The following ABRA variants were observed in gnomAD, a reference collection of about 807,000 sequenced individuals.
The protein encoded by ABRA is actin binding Rho activating protein.
Under a neutral mutation model 33.4 loss-of-function variants are expected in ABRA, and 25 were observed. The observed-to-expected ratio is 0.75, with a 90% CI of 0.55 to 1.04. The LOEUF (loss-of-function observed/expected upper bound fraction) is 1.04, where lower values mean the gene tolerates loss of function less well. Ranked by LOEUF, ABRA falls within the 50% of genes least tolerant of loss-of-function variation. ABRA has a pLI of 0.00. For missense variants in ABRA, 501 were observed against 491.7 expected (o/e 1.02, Z -0.18); for synonymous variants, 193 against 176.8 (o/e 1.09, Z -0.73).
intron 1 of ABRA, among the ~76,000 whole-genome samples, chr8:106,761,871 G>A (rs1174152464): frequency 6.6e-6 from 1 of 152,138 alleles, no homozygotes; most frequent in Non-Finnish European, 1.5e-5. Context: ...TCATGTAGGT[G>A]TTTTCAGGAA....
Position 106,769,729 on chromosome 8 carries a change from G to A in ABRA, c.462C>T (p.His154=), listed in dbSNP as rs546797793. The A allele has an allele frequency of 2.6e-5, 42 of 1,614,032 alleles. No individual in the cohort carries two copies. The highest frequency in any genetic ancestry group is 3.3e-4 in the Middle Eastern group (2 of 6,062). The change falls in exon 1 of 2, where the codon CAC becomes CAT. Residue 154 remains histidine, a synonymous_variant. Transcript: ENST00000311955. ...ENDIDRILHS[H]GSPTRRRKCA... is the part of the protein sequence containing the mutation. ...ATTTTCTCCTCCGCGTTGGGGAGCC[G>A]TGGCTGTGGAGGATTCTGTCAATGT...
chr8:106,767,129 C>T (rs1183263321), intron 1 of ABRA, among the ~76,000 whole-genome samples: 1 of 152,188 alleles, frequency 6.6e-6, no homozygotes, highest in African/African-American at 2.4e-5. Context: ...CTTTCTCCAT[C>T]TATCAAAGAG....
chr8:106,760,926 T>C lies in ABRA; in HGVS notation c.*111A>G. On this transcript the variant is annotated 3_prime_UTR_variant, in exon 2 of 2. Transcript: ENST00000311955. Reference sequence around the variant, plus strand: ...TGCCAGAAAGTCGTTTATGTAAAAATTGTTTAATATTTACTAACTTATTAC... The same window carrying C: ...TGCCAGAAAGTCGTTTATGTAAAAACTGTTTAATATTTACTAACTTATTAC... 3 of 998,156 alleles carry C rather than the reference T, an allele frequency of 3.0e-6. No individual in the cohort carries two copies. The highest frequency in any genetic ancestry group is 4.5e-6 in the Non-Finnish European group (3 of 666,582). 61.8% of individuals were successfully genotyped at this position (998,156 alleles called of 1,614,324 possible).
In ABRA at chr8:106,761,078, G is replaced by GC; in HGVS notation, c.1104dup (p.Gln369AlafsTer5). On this transcript the variant is annotated frameshift_variant, in exon 2 of 2. Transcript: ENST00000311955. LOFTEE classifies it high-confidence loss of function. ...ATCACAACATGGTCATCTCGGCCTT[G>GC]CCATAGCATCTCTCCTTCAAAGTCT... 1 of 1,614,172 alleles carries GC rather than the reference G, an allele frequency of 6.2e-7. No individual in the cohort carries two copies. Among genetic ancestry groups the GC allele is most frequent in the Non-Finnish European group, 8.5e-7 (1 of 1,180,032 alleles).
rs1836132731 is a variant in ABRA, at chr8:106,761,214, G to A, written c.969C>T (p.His323=). Reference sequence around the variant, plus strand: ...TAACCTGGATCTTGCCATCTCGTCTGTGGCGAGCCATTGTGCAGATAATGA... The same window carrying A: ...TAACCTGGATCTTGCCATCTCGTCTATGGCGAGCCATTGTGCAGATAATGA... The part of the protein sequence containing the change: ...MCFIICTMAR[H]RRDGKIQVTF... Residue 323 remains histidine, a synonymous_variant, in exon 2 of 2, where the codon CAC becomes CAT. Transcript: ENST00000311955. The A allele has an allele frequency of 2.5e-6, 4 of 1,614,210 alleles. No homozygotes were observed. The highest frequency in any genetic ancestry group is 1.7e-6 in the Non-Finnish European group (2 of 1,180,040).
intron 1 of ABRA, among the ~76,000 whole-genome samples, chr8:106,767,243 C>T (rs1587350691): frequency 6.6e-6 from 1 of 152,296 alleles, no homozygotes; most frequent in Middle Eastern, 3.4e-3. Flanking sequence ...CTCTACTATG[C>T]ATTCAGGATC....
At chr8:106,763,337 C>A (rs1389013749) in intron 1 of ABRA, among the ~76,000 whole-genome samples, 4 of 152,174 alleles carry the variant, frequency 2.6e-5, no homozygotes, top group Non-Finnish European at 4.4e-5. Context: ...GGAAATACTC[C>A]TACATGTAAC....
At chr8:106,764,178 G>A (rs1335381499) in intron 1 of ABRA, among the ~76,000 whole-genome samples, 1 of 152,150 alleles carries the variant, frequency 6.6e-6, no homozygotes, top group African/African-American at 2.4e-5. Context: ...GCAAAAAATA[G>A]GTAAATACTC....
Position 106,769,771 on chromosome 8 carries a change from A to T in ABRA, c.420T>A (p.Pro140=). The part of the protein sequence containing the change: ...RYERDAGVLE[P]GQPENDIDRI... ...TGTCAATGTCATTCTCTGGCTGCCCAGGTTCAAGCACACCAGCATCCCTCT... is the reference window on the plus strand; with the variant it reads ...TGTCAATGTCATTCTCTGGCTGCCCTGGTTCAAGCACACCAGCATCCCTCT... Residue 140 remains proline (P), a synonymous_variant, in exon 1 of 2, where the codon CCT becomes CCA. Coordinates refer to ENST00000311955, the MANE Select transcript of ABRA (RefSeq NM_139166.5). The T allele has an allele frequency of 6.2e-7, 1 of 1,614,152 alleles. No homozygotes were observed. Among genetic ancestry groups the T allele is most frequent in the Non-Finnish European group, 8.5e-7 (1 of 1,180,026 alleles).
In ABRA at chr8:106,759,485, C is replaced by T. The variant is rs1289022905; in HGVS notation, c.*1552G>A. Reference sequence around the variant, plus strand: ...ACTATAAAAACAAGAACAGAAAATACAAGAAAACATCTTTTATTCTTATGC... The same window carrying T: ...ACTATAAAAACAAGAACAGAAAATATAAGAAAACATCTTTTATTCTTATGC... On this transcript the variant is annotated 3_prime_UTR_variant, in exon 2 of 2. Transcript: ENST00000311955. 1 of 152,152 alleles carries T rather than the reference C, an allele frequency of 6.6e-6. No homozygotes were observed. Among genetic ancestry groups the T allele is most frequent in the Non-Finnish European group, 1.5e-5 (1 of 68,030 alleles). The allele number at this position is 152,152 out of a possible 1,614,324, so 9.4% of individuals were successfully genotyped here. A position where few individuals can be genotyped will look rare whatever the true frequency, so the allele number is the denominator to read the frequency against.
intron 1 of ABRA, among the ~76,000 whole-genome samples, chr8:106,767,436 A>G (rs1269989695): frequency 6.6e-6 from 1 of 152,202 alleles, no homozygotes; most frequent in Admixed American, 6.5e-5. Context: ...TAGCATAGTT[A>G]CTTCTGATCA....
intron 1 of ABRA, among the ~76,000 whole-genome samples, chr8:106,766,804 T>C (rs1836227672): frequency 6.6e-6 from 1 of 152,206 alleles, no homozygotes; most frequent in African/African-American, 2.4e-5. Flanking sequence ...CCTGAGTCTA[T>C]CACTTTACAT....
rs758039725 is a variant in ABRA at position 106,769,690 on chromosome 8, C to T, written c.501G>A (p.Val167=). Residue 167 remains valine (V), a synonymous_variant, in exon 1 of 2, where the codon GTG becomes GTA. Coordinates refer to ENST00000311955, the MANE Select transcript of ABRA (RefSeq NM_139166.5). ...CTCTCCAGCCCTTGGTTAGCTCAGA[C>T]ACCAGGTTGGCACATTTTCTCCTCC... The part of the protein sequence containing the change: ...PTRRRKCANL[V]SELTKGWRVM... 7 of 1,614,172 alleles carry T rather than the reference C, an allele frequency of 4.3e-6. No individual in the cohort carries two copies. The South Asian group carries it at 7.7e-5, about 18-fold the overall frequency.
intron 1 of ABRA, among the ~76,000 whole-genome samples, chr8:106,766,700 A>T (rs1038392906): frequency 6.6e-6 from 1 of 152,178 alleles, no homozygotes; most frequent in South Asian, 2.1e-4. Context: ...TACTACTCTG[A>T]ACCTGCAGAG....
chr8:106,761,019 G>T lies in ABRA; in HGVS notation c.*18C>A. On this transcript the variant is annotated 3_prime_UTR_variant, in exon 2 of 2. Coordinates refer to ENST00000311955, the MANE Select transcript of ABRA (RefSeq NM_139166.5). ...TTAAGACCATAGTGGGCCAAATTTG[G>T]CTTTTGTTTTTGAAGGTTCACTTGA... 2 of 1,601,126 alleles carry T rather than the reference G, an allele frequency of 1.2e-6. No homozygotes were observed. The highest frequency in any genetic ancestry group is 1.7e-6 in the Non-Finnish European group (2 of 1,170,546).
Position 106,767,268 on chromosome 8 carries a change from C to T in ABRA, c.668+2255G>A, listed in dbSNP as rs140154049. ...CATTCAGGATCGGTCCCAGCTGTCA[C>T]CTCCTTACTTCTAGTTAATTTAAAA... On this transcript the variant is annotated intron_variant, in intron 1 of 1. Coordinates refer to ENST00000311955, the MANE Select transcript of ABRA (RefSeq NM_139166.5). Among the ~76,000 whole-genome samples, 509 of 152,306 alleles carry T rather than the reference C, an allele frequency of 3.3e-3. 1 individual carries two copies. Among genetic ancestry groups the T allele is most frequent in the Admixed American group, 5.2e-3 (80 of 15,306 alleles).
chr8:106,760,466 A>C lies in ABRA; in HGVS notation c.*571T>G, dbSNP rs1032851722. 1 of 152,230 alleles carries C rather than the reference A, an allele frequency of 6.6e-6. No homozygotes were observed. The highest frequency in any genetic ancestry group is 1.5e-5 in the Non-Finnish European group (1 of 68,044). 9.4% of individuals were successfully genotyped at this position (152,230 alleles called of 1,614,324 possible). A position where few individuals can be genotyped will look rare whatever the true frequency, so the allele number is the denominator to read the frequency against. On this transcript the variant is annotated 3_prime_UTR_variant, in exon 2 of 2. Transcript: ENST00000311955. The stretch of plus-strand genomic sequence containing the variant: ...ATAATACAAAGTCAAGCTTCTGAAA[A>C]AATTTTAAGTTTAGTTTTACCAAAC...
chr8:106,762,685 T>C (rs1325365881), intron 1 of ABRA, among the ~76,000 whole-genome samples: 1 of 151,886 alleles, frequency 6.6e-6, no homozygotes, highest in Non-Finnish European at 1.5e-5. Context: ...AGGGAGAGCA[T>C]CAGGATAAAT....
chr8:106,761,946 T>C (rs916401841), intron 1 of ABRA, among the ~76,000 whole-genome samples: 1 of 152,162 alleles, frequency 6.6e-6, no homozygotes, highest in Non-Finnish European at 1.5e-5. Context: ...CCACTACACA[T>C]GCAGTTTAAT....
Sources: gnomAD v4.1 joint callset for allele counts (sites outside exome capture counted in the v4.1 genomes callset) on GRCh38, gnomAD v4.1.1 for gene constraint, MANE v1.5 for transcripts, NCBI Gene and HGNC (gene_info 2026-07-23, HGNC 2026-07-21) for gene names.